Variants in FSTL4 observed in about 807,000 individuals in gnomAD.
FSTL4 encodes follistatin like 4.
In FSTL4, 28 loss-of-function variants were observed where a neutral mutation model predicts 78.2. The observed-to-expected ratio is 0.36, with a 90% CI of 0.27 to 0.49. The LOEUF (loss-of-function observed/expected upper bound fraction) is 0.49, where lower values mean the gene tolerates loss of function less well. Ranked by LOEUF, FSTL4 falls within the 20% of genes least tolerant of loss-of-function variation. The pLI is 0.98. For missense variants in FSTL4, 922 were observed against 1,084.9 expected, an observed-to-expected ratio of 0.85 and a Z score of 2.11; for synonymous variants, 422 against 440.5, an observed-to-expected ratio of 0.96 and a Z score of 0.53.
intron 4 of FSTL4, among the ~76,000 whole-genome samples, chr5:133,333,353 G>T (rs987262454): frequency 6.6e-6 from 1 of 152,206 alleles, no homozygotes; most frequent in Non-Finnish European, 1.5e-5. Flanking sequence ...CTGTCCTTTT[G>T]TGCCCCACAT....
Position 133,199,150 on chromosome 5 carries a change from C to A in FSTL4, c.2474G>T (p.Cys825Phe). 1 of 1,598,074 alleles carries A rather than the reference C, an allele frequency of 6.3e-7. No individual in the cohort carries two copies. Among genetic ancestry groups the A allele is most frequent in the Non-Finnish European group, 8.5e-7 (1 of 1,169,778 alleles). The change falls in exon 16 of 16, where the codon TGT becomes TTT. Residue 825 changes from cysteine (C) to phenylalanine (F), a missense_variant. Transcript: ENST00000265342. This position sits in a 1 kb window ranked among gnomAD's most constrained non-coding sequence, Gnocchi z 4.4. ...CCCCCCCTTTATACCTGACACCTCA[C>A]ACCGCAGCGTGTTTTGTCTCCCATT... is the stretch of plus-strand genomic sequence containing the variant. ...LINGRQNTLR[C>F]EVSGIKGGTT... is the part of the protein sequence containing the mutation.
At chr5:133,297,846 C>A (rs1350764244) in intron 6 of FSTL4, among the ~76,000 whole-genome samples, 3 of 152,198 alleles carry the variant, frequency 2.0e-5, no homozygotes, top group Non-Finnish European at 4.4e-5. Context: ...GATGGGCTGG[C>A]CCTTGTGGGA....
At chr5:133,265,691 C>G (rs978093818) in intron 6 of FSTL4, among the ~76,000 whole-genome samples, 10 of 152,330 alleles carry the variant, frequency 6.6e-5, no homozygotes, top group Middle Eastern at 6.8e-3. Context: ...AGTCACTCCC[C>G]CTCCCACTAG....
intron 7 of FSTL4, among the ~76,000 whole-genome samples, chr5:133,239,238 C>T (rs561659661): frequency 1.4e-5 from 2 of 143,048 alleles, no homozygotes; most frequent in South Asian, 2.5e-4. Flanking sequence ...CCCCCACCCC[C>T]CTCCCTGCCA....
At chr5:133,204,380 T>C (rs1030157799) in intron 14 of FSTL4, among the ~76,000 whole-genome samples, 4 of 152,222 alleles carry the variant, frequency 2.6e-5, no homozygotes, top group African/African-American at 7.2e-5. Flanking sequence ...GAAACAATAT[T>C]AGGATATTAT....
At chr5:133,350,776 G>A (rs533111255) in intron 4 of FSTL4, among the ~76,000 whole-genome samples, 8 of 152,268 alleles carry the variant, frequency 5.3e-5, no homozygotes, top group Admixed American at 2.0e-4. Flanking sequence ...GGTCCAGGAT[G>A]AAGCTAGCCA....
chr5:133,324,710 G>T (rs1754163899), intron 4 of FSTL4, among the ~76,000 whole-genome samples: 1 of 152,214 alleles, frequency 6.6e-6, no homozygotes, highest in South Asian at 2.1e-4. Flanking sequence ...TCTGTTACCG[G>T]TATGACTGTG....
the FSTL4 span, among the ~76,000 whole-genome samples, chr5:133,741,474 G>A: frequency 3.9e-4 from 60 of 152,328 alleles, no homozygotes; most frequent in African/African-American, 1.2e-3. Flanking sequence ...GCAGGAAGTG[G>A]GAAAACTTTC....
At chr5:133,698,814 A>G in the FSTL4 span, among the ~76,000 whole-genome samples, 1 of 152,228 alleles carries the variant, frequency 6.6e-6, no homozygotes, top group African/African-American at 2.4e-5. Context: ...GCTGACAGCT[A>G]CAAAATACAA....
chr5:133,509,328 C>G (rs1037542083), intron 3 of FSTL4, among the ~76,000 whole-genome samples: 1 of 152,178 alleles, frequency 6.6e-6, no homozygotes, highest in African/African-American at 2.4e-5. Context: ...TTTTACAACA[C>G]AGCAAAGACC....
the FSTL4 span, among the ~76,000 whole-genome samples, chr5:133,626,765 A>G: frequency 5.3e-5 from 8 of 152,162 alleles, no homozygotes; most frequent in Admixed American, 2.6e-4. Flanking sequence ...CGTGATATAA[A>G]TTCTTTCAAA....
At chr5:133,534,616 T>C (rs148776332) in intron 3 of FSTL4, among the ~76,000 whole-genome samples, 1,853 of 152,316 alleles carry the variant, frequency 0.012, 40 homozygotes, top group African/African-American at 0.041. Flanking sequence ...TGAAGGAACA[T>C]AGCCCCAAGG....
At chr5:133,493,366 T>C (rs957849614) in intron 3 of FSTL4, among the ~76,000 whole-genome samples, 15 of 152,354 alleles carry the variant, frequency 9.8e-5, no homozygotes, top group African/African-American at 3.6e-4. Flanking sequence ...GTGGTTTTAC[T>C]GATCTGGGAC....
chr5:133,469,483 T>C (rs984508383), intron 3 of FSTL4, among the ~76,000 whole-genome samples: 20 of 152,326 alleles, frequency 1.3e-4, no homozygotes, highest in African/African-American at 4.6e-4. Context: ...GCAGCCAGCA[T>C]GACTGGAGGA....
chr5:133,388,038 T>C (rs142873541), intron 4 of FSTL4: 6 of 152,392 alleles, frequency 3.9e-5, no homozygotes, highest in Non-Finnish European at 8.8e-5. Context: ...TCAAGGATTA[T>C]GCAGGATCTG....
At chr5:133,425,782 C>A (rs1012435681) in intron 3 of FSTL4, among the ~76,000 whole-genome samples, 2 of 152,208 alleles carry the variant, frequency 1.3e-5, no homozygotes, top group East Asian at 1.9e-4. Context: ...AGATATGGAT[C>A]CTGCCCTCAA....
At chr5:133,783,603 T>C in the FSTL4 span, among the ~76,000 whole-genome samples, 1 of 152,240 alleles carries the variant, frequency 6.6e-6, no homozygotes, top group Admixed American at 6.5e-5. Context: ...TTCCTTCCAC[T>C]GTGTGCAAAA....
the FSTL4 span, among the ~76,000 whole-genome samples, chr5:133,836,822 A>G: frequency 1.3e-5 from 2 of 152,150 alleles, no homozygotes; most frequent in African/African-American, 4.8e-5. Flanking sequence ...TGTCACGCTC[A>G]CTGTTGCTCT....
chr5:133,540,940 A>C (rs2112918771), intron 3 of FSTL4, among the ~76,000 whole-genome samples: 2 of 152,002 alleles, frequency 1.3e-5, no homozygotes. Context: ...TCCTCCCTTG[A>C]CTTTAAGTGC....
Sources: gnomAD v4.1 joint callset for allele counts (sites outside exome capture counted in the v4.1 genomes callset) on GRCh38, gnomAD v4.1.1 for gene constraint, Gnocchi (gnomAD v3.1) non-coding constraint, MANE v1.5 for transcripts, NCBI Gene and HGNC (gene_info 2026-07-23, HGNC 2026-07-21) for gene names.